The following ARHGEF37 variants were observed in gnomAD, a reference collection of about 807,000 sequenced individuals.
ARHGEF37 encodes the protein Rho guanine nucleotide exchange factor (GEF) 37.
In ARHGEF37, 55 loss-of-function variants were observed where a neutral mutation model predicts 71.1. The observed-to-expected ratio is 0.77, with a 90% confidence interval of 0.62 to 0.97. ARHGEF37 has a LOEUF of 0.97. Ranked by LOEUF, ARHGEF37 falls within the 50% of genes least tolerant of loss-of-function variation. The probability of loss-of-function intolerance (pLI) is 0.00; values close to 1 mark genes in which losing one functional copy is unlikely to be tolerated. For missense variants in ARHGEF37, 765 were observed against 836.8 expected (o/e 0.91, Z 1.06); for synonymous variants, 327 against 350.6 (o/e 0.93, Z 0.75).
rs775747437 is a variant in ARHGEF37 at position 149,609,557 on chromosome 5, T to G, written c.320T>G (p.Phe107Cys). The G allele has an allele frequency of 1.4e-5, 22 of 1,613,892 alleles. No individual in the cohort carries two copies. Among genetic ancestry groups the G allele is most frequent in the Non-Finnish European group, 1.9e-5 (22 of 1,179,956 alleles). Reference sequence around the variant, plus strand: ...GCGTCTTCACTCTCAGGTAACATATTTCTGGAATTCCAAGAGGAGTTGGAG... The same window carrying G: ...GCGTCTTCACTCTCAGGTAACATATGTCTGGAATTCCAAGAGGAGTTGGAG... ...EEQVQLVGNI[F>C]LEFQEELEQV... The change falls in exon 4 of 13, where the codon TTT (phenylalanine) becomes TGT (cysteine). Residue 107 changes from phenylalanine to cysteine, a missense_variant. Phe to Cys is a radical substitution (Grantham distance 205). Transcript: ENST00000333677.
At chr5:149,608,786 C>T (rs1278156922) in intron 3 of ARHGEF37, among the ~76,000 whole-genome samples, 1 of 152,126 alleles carries the variant, frequency 6.6e-6, no homozygotes, top group Admixed American at 6.6e-5. Flanking sequence ...TCCCTAGTTC[C>T]CTGGAATCCA....
intron 5 of ARHGEF37, among the ~76,000 whole-genome samples, chr5:149,617,924 A>G (rs1171817301): frequency 6.6e-6 from 1 of 152,138 alleles, no homozygotes; most frequent in African/African-American, 2.4e-5. Flanking sequence ...GGCTGGTCCC[A>G]TTTTACAGAT....
At chr5:149,563,116 C>T (rs1762857331) in intron 1 of ARHGEF37, among the ~76,000 whole-genome samples, 1 of 152,150 alleles carries the variant, frequency 6.6e-6, no homozygotes, top group South Asian at 2.1e-4. Context: ...TTCCTTGATC[C>T]AGCTGTCTGA....
At chr5:149,618,798 C>A (rs554793252) in intron 6 of ARHGEF37, 140 bp from the exon 7 acceptor site, 18 of 710,118 alleles carry the variant, frequency 2.5e-5, no homozygotes, top group Non-Finnish European at 4.6e-5. Flanking sequence ...CTACACCACC[C>A]TCTCAGCTTT....
chr5:149,566,932 C>T (rs768387941), intron 1 of ARHGEF37, among the ~76,000 whole-genome samples: 15 of 152,020 alleles, frequency 9.9e-5, no homozygotes, highest in Non-Finnish European at 2.9e-5. Flanking sequence ...AATAACAAGA[C>T]GTTTTCTTTA....
chr5:149,582,430 G>A (rs539678486), intron 1 of ARHGEF37, among the ~76,000 whole-genome samples: 2 of 152,318 alleles, frequency 1.3e-5, no homozygotes, highest in South Asian at 2.1e-4. Flanking sequence ...AGCCAGCTGT[G>A]TGATCCAGGA....
intron 1 of ARHGEF37, among the ~76,000 whole-genome samples, chr5:149,573,468 T>C (rs1762991256): frequency 6.6e-6 from 1 of 152,236 alleles, no homozygotes; most frequent in Admixed American, 6.5e-5. Flanking sequence ...GTTCTCTCCA[T>C]AGGAGCACTT....
chr5:149,628,301 T>C (rs939920699), intron 11 of ARHGEF37, among the ~76,000 whole-genome samples: 16 of 152,316 alleles, frequency 1.1e-4, no homozygotes, highest in Middle Eastern at 3.4e-3. Context: ...TGTAATGAAA[T>C]GCTTGCTCTG....
intron 1 of ARHGEF37, among the ~76,000 whole-genome samples, chr5:149,584,474 T>C (rs569709086): frequency 1.3e-5 from 2 of 152,364 alleles, no homozygotes; most frequent in South Asian, 2.1e-4. Flanking sequence ...AGTCCTTTTC[T>C]GTAAGCACAG....
At chr5:149,609,070 A>T (rs576793432) in intron 3 of ARHGEF37, among the ~76,000 whole-genome samples, 81 of 152,220 alleles carry the variant, frequency 5.3e-4, no homozygotes, top group African/African-American at 2.0e-3. Flanking sequence ...CTGTAATCCC[A>T]GCTACTCAGG....
chr5:149,560,646 G>A (rs981372041), intron 1 of ARHGEF37, among the ~76,000 whole-genome samples: 1 of 152,072 alleles, frequency 6.6e-6, no homozygotes, highest in Non-Finnish European at 1.5e-5. Context: ...CTATTGGTTG[G>A]GTGCGGTGGC....
At chr5:149,595,488 G>A (rs986551203) in intron 1 of ARHGEF37, among the ~76,000 whole-genome samples, 3 of 152,068 alleles carry the variant, frequency 2.0e-5, no homozygotes, top group Middle Eastern at 6.3e-3. Context: ...GCCCTATTTG[G>A]TACTTGTAAA....
At chr5:149,558,682 CAT>C (rs201183168) in intron 1 of ARHGEF37, among the ~76,000 whole-genome samples, 903 of 77,954 alleles carry the variant, frequency 0.012, 10 homozygotes, top group African/African-American at 0.035. Context: ...TTTAAAAAAC[CAT>C]ATATATATGT....
Position 149,628,843 on chromosome 5 carries a change from G to A in ARHGEF37, c.1695G>A (p.Gln565=), listed in dbSNP as rs765052843. 6.2e-7 allele frequency: 1 copy of A among 1,613,712 alleles called. No individual in the cohort carries two copies. The highest frequency in any genetic ancestry group is 1.1e-5 in the South Asian group (1 of 91,004). ...HRGYVPAGKL[Q]LYHVVPSAEE... ...GGTATGTGCCGGCTGGGAAACTACA[G>A]CTGTACCATGTGGTCCCCAGTGCAG... The change falls in exon 12 of 13, where the codon CAG becomes CAA. Residue 565 remains glutamine, a synonymous_variant. Transcript: ENST00000333677.
chr5:149,587,022 A>G (rs1424558926), intron 1 of ARHGEF37, among the ~76,000 whole-genome samples: 1 of 152,216 alleles, frequency 6.6e-6, no homozygotes, highest in East Asian at 1.9e-4. Context: ...TCCCTTTCTA[A>G]GGGCTAATGA....
intron 3 of ARHGEF37, 41 bp downstream of exon 3, chr5:149,601,272 A>G: frequency 6.3e-7 from 1 of 1,593,020 alleles, no homozygotes; most frequent in Non-Finnish European, 8.6e-7. Context: ...TTAGATTCTC[A>G]TGGAACTGTT....
intron 10 of ARHGEF37, 93 bp from the exon 11 acceptor site, chr5:149,626,983 T>C (rs1194382962): frequency 7.3e-6 from 10 of 1,361,128 alleles, no homozygotes; most frequent in Non-Finnish European, 1.0e-5. Flanking sequence ...TCAGGCCCAG[T>C]ACTCCTGGCT....
intron 9 of ARHGEF37, among the ~76,000 whole-genome samples, chr5:149,623,494 G>A (rs1475938622): frequency 2.6e-5 from 4 of 152,206 alleles, no homozygotes; most frequent in Non-Finnish European, 4.4e-5. Context: ...CTGTAGCCTA[G>A]AGGTTTTCTC....
In ARHGEF37 at chr5:149,624,116, A is replaced by G; in HGVS notation, c.1440A>G (p.Lys480=). ...GCTCCTTTCAAGAGACCTTTGAGAAAGTGCAGCCACCTCCCACCACACAAG... is the reference window on the plus strand; with the variant it reads ...GCTCCTTTCAAGAGACCTTTGAGAAGGTGCAGCCACCTCCCACCACACAAG... The part of the protein sequence containing the change: ...QLRSFQETFE[K]VQPPPTTQPL... The change falls in exon 10 of 13, where the codon AAA becomes AAG. Residue 480 remains lysine (K), a synonymous_variant. Transcript: ENST00000333677. 1 of 1,610,892 alleles carries G rather than the reference A, an allele frequency of 6.2e-7. No homozygotes were observed. Among genetic ancestry groups the G allele is most frequent in the Non-Finnish European group, 8.5e-7 (1 of 1,177,328 alleles).
Sources: allele counts gnomAD v4.1 joint callset (sites outside exome capture counted in the v4.1 genomes callset), GRCh38; gene constraint gnomAD v4.1.1; transcripts MANE v1.5; gene names NCBI Gene and HGNC (gene_info 2026-07-23, HGNC 2026-07-21).